The following EPHA5 variants were observed in gnomAD, a reference collection of about 807,000 sequenced individuals.
EPHA5 encodes EPH receptor A5, also known as ephrin type-A receptor 5.
In EPHA5, 60 loss-of-function variants were observed where a neutral mutation model predicts 105.0. That is an observed-to-expected ratio of 0.57 (90% confidence interval 0.46 to 0.71). The LOEUF (loss-of-function observed/expected upper bound fraction) is 0.71. EPHA5 is among the 30% of genes least tolerant of loss of function. The pLI is 0.00. For missense variants in EPHA5, 1,218 were observed against 1,274.7 expected, an observed-to-expected ratio of 0.96 and a Z score of 0.68; for synonymous variants, 513 against 449.1, an observed-to-expected ratio of 1.14 and a Z score of -1.80.
At chr4:65,352,549 C>T (rs1215525819) in intron 12 of EPHA5, among the ~76,000 whole-genome samples, 1 of 151,952 alleles carries the variant, frequency 6.6e-6, no homozygotes, top group African/African-American at 2.4e-5. Flanking sequence ...TCAATTACCA[C>T]GTGAACTCTG....
intron 2 of EPHA5, among the ~76,000 whole-genome samples, chr4:65,614,582 A>G (rs1373517450): frequency 6.6e-6 from 1 of 151,870 alleles, no homozygotes; most frequent in Non-Finnish European, 1.5e-5. Flanking sequence ...GCTCCTGGAT[A>G]TCACAAGCTC....
intron 5 of EPHA5, among the ~76,000 whole-genome samples, chr4:65,433,504 A>G (rs548321613): frequency 2.6e-5 from 4 of 152,286 alleles, no homozygotes; most frequent in South Asian, 2.1e-4. Flanking sequence ...TCACCCAGAA[A>G]CTCAGATATA....
chr4:65,559,962 C>T (rs1362733652), intron 3 of EPHA5, among the ~76,000 whole-genome samples: 2 of 152,110 alleles, frequency 1.3e-5, no homozygotes, highest in Admixed American at 1.3e-4. Flanking sequence ...GACAGTTCCA[C>T]AGCTGGTACA....
Position 65,490,802 on chromosome 4 carries a change from A to C in EPHA5, c.1067-90T>G, listed in dbSNP as rs78538019. The stretch of plus-strand genomic sequence containing the variant: ...ACACCAATTCCTGGTCTGAAGGAAA[A>C]AATAGATTTGCAATAAGTCCTTTAA... On this transcript the variant is annotated intron_variant, in intron 4 of 16. Coordinates refer to ENST00000613740, the MANE Select transcript of EPHA5 (RefSeq NM_001281766.3). The C allele has an allele frequency of 2.3e-3, 3,115 of 1,331,914 alleles. 51 individuals carry two copies. The African/African-American group carries it at 0.04, about 17-fold the overall frequency. The allele number at this position is 1,331,914 out of a possible 1,614,324, so 82.5% of individuals were successfully genotyped here. A position where few individuals can be genotyped will look rare whatever the true frequency, so the allele number is the denominator to read the frequency against.
chr4:65,454,974 G>T (rs554841621), intron 5 of EPHA5, among the ~76,000 whole-genome samples: 2 of 151,964 alleles, frequency 1.3e-5, no homozygotes, highest in Non-Finnish European at 2.9e-5. Context: ...TGCTTGGCAC[G>T]GTGGCTCACG....
In EPHA5 at chr4:65,366,104, A is replaced by G. The variant is rs201225831; in HGVS notation, c.1862-47T>C. ...AAAACAGAAGTAGTTGTGATGGATG[A>G]GCAAAATTATGAACTTTATTAACAT... On this transcript the variant is annotated intron_variant, in intron 9 of 16. Transcript: ENST00000613740. 96 of 1,531,658 alleles carry G rather than the reference A, an allele frequency of 6.3e-5. No individual in the cohort carries two copies. In the East Asian group the frequency reaches 2.2e-3, roughly 34 times the overall value. 94.9% of individuals were successfully genotyped at this position (1,531,658 alleles called of 1,614,324 possible). A position where few individuals can be genotyped will look rare whatever the true frequency, so the allele number is the denominator to read the frequency against.
At chr4:65,414,602 C>G (rs1474150103) in intron 6 of EPHA5, among the ~76,000 whole-genome samples, 159 bp from the exon 7 acceptor site, 1 of 152,134 alleles carries the variant, frequency 6.6e-6, no homozygotes, top group African/African-American at 2.4e-5. Flanking sequence ...CCTAGGTGTG[C>G]TATTTACATA....
intron 3 of EPHA5, chr4:65,574,422 A>G (rs1215936827): frequency 2.1e-6 from 1 of 478,436 alleles, no homozygotes; most frequent in African/African-American, 2.0e-5. Context: ...TAACTCAAAT[A>G]CATGTATTCA....
At chr4:65,436,011 G>A (rs1578113149) in intron 5 of EPHA5, among the ~76,000 whole-genome samples, 1 of 151,960 alleles carries the variant, frequency 6.6e-6, no homozygotes, top group Admixed American at 6.6e-5. Flanking sequence ...CTCAGTGATA[G>A]TAGATGCTAT....
At chr4:65,665,809 G>T (rs1216491821) in intron 1 of EPHA5, among the ~76,000 whole-genome samples, 1 of 152,160 alleles carries the variant, frequency 6.6e-6, no homozygotes, top group East Asian at 1.9e-4. Flanking sequence ...CCTTTTCATG[G>T]TTTATTAAGC....
intron 16 of EPHA5, 81 bp from the exon 17 acceptor site, chr4:65,324,300 CAT>C (rs761510229): frequency 6.8e-5 from 61 of 903,216 alleles, no homozygotes; most frequent in Non-Finnish European, 9.9e-5. Context: ...AAGGGGCAAA[CAT>C]AGTGCAGACA....
intron 6 of EPHA5, among the ~76,000 whole-genome samples, chr4:65,419,462 T>C (rs1294704840): frequency 6.6e-6 from 1 of 152,166 alleles, no homozygotes; most frequent in African/African-American, 2.4e-5. Context: ...GTCCTTCTCT[T>C]CTTTTTTGGG....
chr4:65,396,677 G>T (rs1184900051), intron 8 of EPHA5, among the ~76,000 whole-genome samples: 2 of 152,214 alleles, frequency 1.3e-5, no homozygotes, highest in Admixed American at 1.3e-4. Context: ...ATTCATGATA[G>T]AACAGGGATT....
At chr4:65,640,145 C>A (rs764521958) in intron 2 of EPHA5, among the ~76,000 whole-genome samples, 2 of 152,126 alleles carry the variant, frequency 1.3e-5, no homozygotes, top group Admixed American at 1.3e-4. Context: ...AATGTGACAA[C>A]TCTGAAAATT....
intron 8 of EPHA5, among the ~76,000 whole-genome samples, chr4:65,370,483 G>A (rs933551890): frequency 6.6e-6 from 1 of 152,046 alleles, no homozygotes; most frequent in African/African-American, 2.4e-5. Flanking sequence ...AGACCTGAAA[G>A]CTATACATGT....
chr4:65,583,565 A>G (rs1256459301), intron 3 of EPHA5, among the ~76,000 whole-genome samples: 1 of 151,796 alleles, frequency 6.6e-6, no homozygotes, highest in African/African-American at 2.4e-5. Flanking sequence ...GTAGTTGATA[A>G]AGACCCCACA....
At chr4:65,391,388 CT>C (rs932906763) in intron 8 of EPHA5, among the ~76,000 whole-genome samples, 9 of 151,926 alleles carry the variant, frequency 5.9e-5, no homozygotes, top group African/African-American at 2.2e-4. Flanking sequence ...GAAACATTTT[CT>C]TTTTTTCCTG....
intron 8 of EPHA5, among the ~76,000 whole-genome samples, chr4:65,384,913 T>C (rs993815896): frequency 3.3e-5 from 5 of 151,516 alleles, no homozygotes; most frequent in Non-Finnish European, 7.4e-5. Flanking sequence ...GAGCCTAAAT[T>C]TGCTAAGCTT....
intron 3 of EPHA5, among the ~76,000 whole-genome samples, chr4:65,504,331 C>T (rs1422959157): frequency 6.7e-6 from 1 of 148,982 alleles, no homozygotes; most frequent in Non-Finnish European, 1.5e-5. Flanking sequence ...ACTCCATTAC[C>T]AGCAAAGTTA....
Sources: gnomAD v4.1 joint callset for allele counts (sites outside exome capture counted in the v4.1 genomes callset) on GRCh38, gnomAD v4.1.1 for gene constraint, MANE v1.5 for transcripts, NCBI Gene and HGNC (gene_info 2026-07-23, HGNC 2026-07-21) for gene names.